Variants in RORA observed in about 807,000 individuals in gnomAD.
RORA encodes RAR related orphan receptor A.
RORA carries 7 observed loss-of-function variants against 69.5 expected under a neutral mutation model. The ratio of observed to expected loss-of-function variants is 0.10; its 90% CI spans 0.06 to 0.19. The LOEUF is 0.19. Among genes scored for constraint, RORA ranks in the 10% least tolerant of loss-of-function variants. RORA has a pLI of 1.00. For synonymous variants in RORA, 261 were observed against 240.8 expected (o/e 1.08, Z -0.78); for missense variants, 457 against 663.0 (o/e 0.69, Z 3.41).
chr15:61,158,623 A>T (rs2079466632), intron 1 of RORA, among the ~76,000 whole-genome samples: 1 of 152,170 alleles, frequency 6.6e-6, no homozygotes, highest in Non-Finnish European at 1.5e-5. Flanking sequence ...TTTACTGCTC[A>T]TCCGCTCCCC....
At chr15:60,516,170 TA>T (rs1370445930) in intron 3 of RORA, among the ~76,000 whole-genome samples, 2 of 35,600 alleles carry the variant, frequency 5.6e-5, no homozygotes, top group African/African-American at 2.3e-4. Flanking sequence ...TTTATATATA[TA>T]TTTATATATA....
At chr15:61,077,124 C>CTTTA (rs1430695838) in intron 1 of RORA, among the ~76,000 whole-genome samples, 1 of 151,322 alleles carries the variant, frequency 6.6e-6, no homozygotes, top group East Asian at 1.9e-4. Flanking sequence ...ATGATACCTC[C>CTTTA]TTAAAGCACG....
chr15:61,222,707 G>T (rs1207551367), intron 1 of RORA, among the ~76,000 whole-genome samples: 2 of 152,210 alleles, frequency 1.3e-5, no homozygotes, highest in Non-Finnish European at 2.9e-5. Context: ...GAGAAAGTCA[G>T]CTTCTGATGG....
intron 2 of RORA, among the ~76,000 whole-genome samples, chr15:60,541,156 T>G (rs577115353): frequency 1.3e-5 from 2 of 152,316 alleles, no homozygotes; most frequent in East Asian, 3.9e-4. Context: ...TATTAACCAC[T>G]TTAAGATTGT....
At chr15:60,499,217 C>T (rs2065256468) in intron 10 of RORA, among the ~76,000 whole-genome samples, 1 of 152,044 alleles carries the variant, frequency 6.6e-6, no homozygotes, top group African/African-American at 2.4e-5. Flanking sequence ...TCTTTTAGTC[C>T]TTTATAACTT....
intron 1 of RORA, among the ~76,000 whole-genome samples, chr15:61,088,996 G>C (rs920901221): frequency 2.3e-4 from 35 of 152,100 alleles, no homozygotes; most frequent in Non-Finnish European, 1.8e-4. Flanking sequence ...ATCTGCCCCA[G>C]TGTCTACACC....
intron 1 of RORA, among the ~76,000 whole-genome samples, chr15:60,795,806 G>A (rs1241150806): frequency 2.0e-5 from 3 of 152,142 alleles, no homozygotes; most frequent in Non-Finnish European, 4.4e-5. Flanking sequence ...GACATGCCTT[G>A]TAGACTGTAA....
chr15:60,881,099 C>A (rs1377474139), intron 1 of RORA, among the ~76,000 whole-genome samples: 2 of 152,260 alleles, frequency 1.3e-5, no homozygotes, highest in African/African-American at 2.4e-5. Flanking sequence ...GCCTTTTCCA[C>A]ACTGAGTCTT....
intron 2 of RORA, among the ~76,000 whole-genome samples, chr15:60,676,081 A>T (rs2070548733): frequency 1.3e-5 from 2 of 152,234 alleles, no homozygotes; most frequent in Admixed American, 1.3e-4. Context: ...AGATGTCAAG[A>T]TGATTTAAGA....
chr15:61,058,956 G>C (rs568870790), intron 1 of RORA, among the ~76,000 whole-genome samples: 1 of 152,186 alleles, frequency 6.6e-6, no homozygotes, highest in African/African-American at 2.4e-5. Flanking sequence ...GTGAATTTAC[G>C]GTGATAAAGC....
intron 1 of RORA, among the ~76,000 whole-genome samples, chr15:61,117,081 T>C (rs2079057398): frequency 6.6e-6 from 1 of 152,166 alleles, no homozygotes; most frequent in Non-Finnish European, 1.5e-5. Flanking sequence ...GTATAATTTA[T>C]GATAATGTTA....
chr15:60,818,318 AT>A (rs1473831151), intron 1 of RORA, among the ~76,000 whole-genome samples: 2 of 152,366 alleles, frequency 1.3e-5, no homozygotes, highest in East Asian at 3.9e-4. Flanking sequence ...TTTTTCAGGA[AT>A]TTTCCACATA....
At chr15:60,706,448 G>T (rs2071064407) in intron 1 of RORA, 1 of 152,176 alleles carries the variant, frequency 6.6e-6, no homozygotes, top group Non-Finnish European at 1.5e-5. Flanking sequence ...GGTGGGGCAT[G>T]AAGGAAGGTA....
rs1017586696 is a variant in RORA at position 60,768,899 on chromosome 15, G to A, written c.167-90213C>T. ...AGAGTAGAGGCTGTAGTACATTTAG[G>A]GGAGTTTCAATCGGCATTATTTCAT... On this transcript the variant is annotated intron_variant, in intron 1 of 10. Coordinates refer to ENST00000335670, the MANE Select transcript of RORA (RefSeq NM_134261.3). Among the ~76,000 whole-genome samples the A allele has an allele frequency of 3.3e-5, 5 of 152,140 alleles. No individual in the cohort carries two copies. In the East Asian group the frequency reaches 9.6e-4, roughly 29 times the overall value.
At chr15:60,625,211 A>AAACAACAACAACAAC (rs533003655) in intron 2 of RORA, among the ~76,000 whole-genome samples, 8 of 152,318 alleles carry the variant, frequency 5.3e-5, no homozygotes, top group African/African-American at 1.9e-4. Context: ...GGCTTCAGAA[A>AAACAACAACAACAAC]AACAACAACA....
chr15:60,835,129 A>T (rs1020374581), intron 1 of RORA, among the ~76,000 whole-genome samples: 1 of 152,130 alleles, frequency 6.6e-6, no homozygotes, highest in Non-Finnish European at 1.5e-5. Flanking sequence ...TTGAAGGGAG[A>T]GACACCCCAG....
At chr15:60,907,443 G>A (rs1211860861) in intron 1 of RORA, among the ~76,000 whole-genome samples, 2 of 152,340 alleles carry the variant, frequency 1.3e-5, no homozygotes, top group Admixed American at 6.5e-5. Context: ...CCTTGACCTT[G>A]ACATTCCCTC....
At chr15:60,803,084 T>C (rs895813573) in intron 1 of RORA, among the ~76,000 whole-genome samples, 1 of 152,188 alleles carries the variant, frequency 6.6e-6, no homozygotes, top group Admixed American at 6.5e-5. Flanking sequence ...ATGGTTACAT[T>C]TAAATATTTC....
In RORA at chr15:61,119,370, T is replaced by A. The variant is rs182928434; in HGVS notation, c.166+109683A>T. Among the ~76,000 whole-genome samples, 498 of 141,232 alleles carry A rather than the reference T, an allele frequency of 3.5e-3. 2 individuals carry two copies. The highest frequency in any genetic ancestry group is 0.012 in the African/African-American group (459 of 38,172). 92.7% of individuals were successfully genotyped at this position (141,232 alleles called of 152,430 possible). A position where few individuals can be genotyped will look rare whatever the true frequency, so the allele number is the denominator to read the frequency against. On this transcript the variant is annotated intron_variant, in intron 1 of 10. Coordinates refer to ENST00000335670, the MANE Select transcript of RORA (RefSeq NM_134261.3). ...GTACCACCGTGCCTGCCTAAGGTTT[T>A]AAATTTTTTTTTGTATATGTATATA...
Sources: allele counts gnomAD v4.1 joint callset (sites outside exome capture counted in the v4.1 genomes callset), GRCh38; gene constraint gnomAD v4.1.1; transcripts MANE v1.5; gene names NCBI Gene and HGNC (gene_info 2026-07-23, HGNC 2026-07-21).